GOLT1B: variants seen among roughly 807,000 people sequenced by gnomAD.
GOLT1B encodes the protein golgi transport 1B.
In GOLT1B, 3 loss-of-function variants were observed where a neutral mutation model predicts 15.4. The ratio of observed to expected loss-of-function variants is 0.19; its 90% CI spans 0.09 to 0.50. The LOEUF is 0.50. GOLT1B is among the 20% of genes least tolerant of loss of function. The pLI, the probability that GOLT1B is intolerant of heterozygous loss-of-function variation, is 0.97. For synonymous variants in GOLT1B, 65 were observed against 56.2 expected (o/e 1.16, Z -0.70); for missense variants, 145 against 160.4 (o/e 0.90, Z 0.52).
chr12:21,515,263 C>T (rs1475412952), intron 4 of GOLT1B: 3 of 1,439,690 alleles, frequency 2.1e-6, no homozygotes, highest in African/African-American at 1.4e-5. Flanking sequence ...AAGAGATCCA[C>T]AGTAATGGTC....
chr12:21,510,976 T>C (rs1372399383), intron 3 of GOLT1B, among the ~76,000 whole-genome samples: 3 of 152,190 alleles, frequency 2.0e-5, no homozygotes, highest in East Asian at 3.9e-4. Flanking sequence ...TTTCCCGATA[T>C]CGCAATCAGT....
chr12:21,512,454 T>C (rs1383473409), intron 4 of GOLT1B, 78 bp downstream of exon 4: 4 of 773,954 alleles, frequency 5.2e-6, no homozygotes, highest in South Asian at 4.4e-5. Context: ...GAGTAATTGA[T>C]ACTTGGTTAA....
At chr12:21,505,712 T>C (rs567081853) in intron 1 of GOLT1B, among the ~76,000 whole-genome samples, 1 of 152,272 alleles carries the variant, frequency 6.6e-6, no homozygotes, top group African/African-American at 2.4e-5. Context: ...TTTCTGGAGC[T>C]GAGGCAAAAA....
chr12:21,518,164 TG>T lies in GOLT1B; in HGVS notation c.*2459del, dbSNP rs1252543010. 6.6e-6 allele frequency: 1 copy of T among 152,192 alleles called. No individual in the cohort carries two copies. The highest frequency in any genetic ancestry group is 1.9e-4 in the East Asian group (1 of 5,198). The allele number at this position is 152,192 out of a possible 1,614,324, so 9.4% of individuals were successfully genotyped here. A position where few individuals can be genotyped will look rare whatever the true frequency, so the allele number is the denominator to read the frequency against. On this transcript the variant is annotated 3_prime_UTR_variant, in exon 5 of 5. Coordinates refer to ENST00000229314, the MANE Select transcript of GOLT1B (RefSeq NM_016072.5). The stretch of plus-strand genomic sequence containing the variant: ...AAAAGGGTACTTTTCTATTAATTGG[TG>T]GTCAAGTATATCTGTGTTATGAAGT...
chr12:21,509,292 G>A lies in GOLT1B; in HGVS notation c.296+731G>A, dbSNP rs555939843. 4.0e-5 allele frequency among the ~76,000 whole-genome samples: 6 copies of A among 149,154 alleles called. No homozygotes were observed. In the Admixed American group the frequency reaches 4.1e-4, roughly 10 times the overall value. On this transcript the variant is annotated intron_variant, in intron 3 of 4. Transcript: ENST00000229314. ...CAGGCGCCTGTAATCCTAGCTACTC[G>A]GGAGGCTGAGGCAGGCGAATTGTTT...
At chr12:21,504,500 A>G in intron 1 of GOLT1B, 1 of 475,172 alleles carries the variant, frequency 2.1e-6, no homozygotes, top group Non-Finnish European at 4.2e-6. Flanking sequence ...AAAGTAGTGG[A>G]ATATTTTGGT....
In GOLT1B at chr12:21,516,285, G is replaced by A. The variant is rs1267395180; in HGVS notation, c.*578G>A. 2 of 152,016 alleles carry A rather than the reference G, an allele frequency of 1.3e-5. No individual in the cohort carries two copies. Among genetic ancestry groups the A allele is most frequent in the Non-Finnish European group, 2.9e-5 (2 of 67,934 alleles). 9.4% of individuals were successfully genotyped at this position (152,016 alleles called of 1,614,324 possible). A position where few individuals can be genotyped will look rare whatever the true frequency, so the allele number is the denominator to read the frequency against. Reference sequence around the variant, plus strand: ...TTCTTCTGAATCTTAATATTTCAAAGCCAGGTGAAAATCTGAACTAGATAT... The same window carrying A: ...TTCTTCTGAATCTTAATATTTCAAAACCAGGTGAAAATCTGAACTAGATAT... On this transcript the variant is annotated 3_prime_UTR_variant, in exon 5 of 5. Coordinates refer to ENST00000229314, the MANE Select transcript of GOLT1B (RefSeq NM_016072.5).
At chr12:21,504,412 C>A (rs948806759) in intron 1 of GOLT1B, among the ~76,000 whole-genome samples, 2 of 152,088 alleles carry the variant, frequency 1.3e-5, no homozygotes, top group Non-Finnish European at 2.9e-5. Context: ...GGATCAGGAG[C>A]TACTTGGCAA....
At position 21,508,388 on chromosome 12, in the gene GOLT1B, A is replaced by C. The variant is rs776179457; in HGVS notation, c.123A>C (p.Leu41Phe). Reference protein sequence around the residue: ...DKALLAIGNVLFVAGLAFVIG... With the variant: ...DKALLAIGNVFFVAGLAFVIG... ...GTATTTTCTTTCTCTTTTAGGTTTT[A>C]TTTGTAGCCGGCTTGGCTTTTGTAA... is the stretch of plus-strand genomic sequence containing the variant. The change falls in exon 3 of 5, where the codon TTA becomes TTC. Residue 41 changes from leucine (L) to phenylalanine (F), a missense_variant. Transcript: ENST00000229314. The C allele has an allele frequency of 1.3e-6, 2 of 1,550,252 alleles. No homozygotes were observed. Among genetic ancestry groups the C allele is most frequent in the African/African-American group, 1.4e-5 (1 of 71,794 alleles).
chr12:21,512,453 A>G (rs1052346824), intron 4 of GOLT1B, 77 bp downstream of exon 4: 21 of 773,958 alleles, frequency 2.7e-5, no homozygotes, highest in Non-Finnish European at 4.6e-5. Context: ...TGAGTAATTG[A>G]TACTTGGTTA....
In GOLT1B at chr12:21,515,764, A is replaced by G; in HGVS notation, c.*57A>G. On this transcript the variant is annotated 3_prime_UTR_variant, in exon 5 of 5. Coordinates refer to ENST00000229314, the MANE Select transcript of GOLT1B (RefSeq NM_016072.5). ...ATTGTGTTATTTATAAAGTCATTTG[A>G]AGAATATTCAGCACAAAATTAAATT... 1 of 799,846 alleles carries G rather than the reference A, an allele frequency of 1.3e-6. No homozygotes were observed. Among genetic ancestry groups the G allele is most frequent in the Non-Finnish European group, 2.1e-6 (1 of 470,858 alleles). 49.5% of individuals were successfully genotyped at this position (799,846 alleles called of 1,614,324 possible).
chr12:21,502,757 T>C (rs1001607032), intron 1 of GOLT1B, among the ~76,000 whole-genome samples: 2 of 152,208 alleles, frequency 1.3e-5, no homozygotes, highest in African/African-American at 4.8e-5. Flanking sequence ...ATATTAATAA[T>C]TTTTGTATTT....
At position 21,516,949 on chromosome 12, in the gene GOLT1B, A is replaced by T. The variant is rs113315075; in HGVS notation, c.*1242A>T. The T allele has an allele frequency of 3.7e-4, 56 of 152,600 alleles. No homozygotes were observed. Among genetic ancestry groups the T allele is most frequent in the African/African-American group, 1.3e-3 (55 of 41,562 alleles). 9.5% of individuals were successfully genotyped at this position (152,600 alleles called of 1,614,324 possible). A position where few individuals can be genotyped will look rare whatever the true frequency, so the allele number is the denominator to read the frequency against. ...TTTTTCCACCGTTGCTGATTATTAG[A>T]CAGTAGGAAATAGCTGTTTTCTTTA... On this transcript the variant is annotated 3_prime_UTR_variant, in exon 5 of 5. Transcript: ENST00000229314.
At chr12:21,509,641 A>G (rs1268824343) in intron 3 of GOLT1B, among the ~76,000 whole-genome samples, 3 of 152,202 alleles carry the variant, frequency 2.0e-5, no homozygotes, top group Admixed American at 1.3e-4. Flanking sequence ...ATAAATGTGT[A>G]TGCAGAATAT....
chr12:21,508,734 G>A (rs1336826051), intron 3 of GOLT1B, among the ~76,000 whole-genome samples, 173 bp downstream of exon 3: 1 of 152,154 alleles, frequency 6.6e-6, no homozygotes, highest in Non-Finnish European at 1.5e-5. Context: ...TTTATCACAT[G>A]TGAATGATTG....
chr12:21,514,936 T>C (rs1206300801), intron 4 of GOLT1B, among the ~76,000 whole-genome samples: 1 of 152,060 alleles, frequency 6.6e-6, no homozygotes, highest in Non-Finnish European at 1.5e-5. Flanking sequence ...TATATAACTT[T>C]TAATGTCTCT....
intron 4 of GOLT1B, among the ~76,000 whole-genome samples, chr12:21,513,003 G>A (rs1943730850): frequency 2.0e-5 from 3 of 149,258 alleles, no homozygotes; most frequent in African/African-American, 7.4e-5. Flanking sequence ...GGGGGTCAAG[G>A]CTGCAGTGAG....
chr12:21,509,383 C>T (rs11046095), intron 3 of GOLT1B, among the ~76,000 whole-genome samples: 62,708 of 123,570 alleles, frequency 0.51, 15,462 homozygotes, highest in East Asian at 0.69. Flanking sequence ...GGCAATAGAG[C>T]GAGACTCTGT....
intron 3 of GOLT1B, among the ~76,000 whole-genome samples, chr12:21,509,097 A>T (rs1355097922): frequency 6.6e-6 from 1 of 152,134 alleles, no homozygotes; most frequent in Non-Finnish European, 1.5e-5. Flanking sequence ...ATGTGTATAT[A>T]TCTATATGAA....
Sources: allele counts gnomAD v4.1 joint callset (sites outside exome capture counted in the v4.1 genomes callset), GRCh38; gene constraint gnomAD v4.1.1; transcripts MANE v1.5; gene names NCBI Gene and HGNC (gene_info 2026-07-23, HGNC 2026-07-21).